The following ETFA variants were observed in gnomAD, a reference collection of about 807,000 sequenced individuals.
The protein encoded by ETFA is electron transfer flavoprotein subunit alpha.
ETFA carries 22 observed loss-of-function variants against 46.2 expected under a neutral mutation model. That is an observed-to-expected ratio of 0.48 (90% CI 0.34 to 0.68). The LOEUF is 0.68. ETFA is among the 30% of genes least tolerant of loss of function. The probability of loss-of-function intolerance (pLI) is 0.01; values close to 1 mark genes in which losing one functional copy is unlikely to be tolerated. For missense variants in ETFA, 345 were observed against 401.1 expected, an observed-to-expected ratio of 0.86 and a Z score of 1.19; for synonymous variants, 131 against 139.9, an observed-to-expected ratio of 0.94 and a Z score of 0.45.
intron 8 of ETFA, among the ~76,000 whole-genome samples, chr15:76,282,693 G>T (rs1020606616): frequency 6.6e-6 from 1 of 152,128 alleles, no homozygotes; most frequent in Non-Finnish European, 1.5e-5. Context: ...GAAAACCACA[G>T]AAAGTTACAG....
At chr15:76,224,729 C>G (rs985790267) in intron 11 of ETFA, among the ~76,000 whole-genome samples, 3 of 152,180 alleles carry the variant, frequency 2.0e-5, no homozygotes, top group Non-Finnish European at 4.4e-5. Context: ...CCCAGCAAAC[C>G]CACTTCTCCT....
intron 9 of ETFA, among the ~76,000 whole-genome samples, chr15:76,256,096 A>G (rs1394759327): frequency 6.6e-6 from 1 of 151,882 alleles, no homozygotes; most frequent in East Asian, 1.9e-4. Flanking sequence ...TATCTCCACT[A>G]AAAATACAAA....
At chr15:76,226,443 G>T (rs1299052397) in intron 10 of ETFA, 1 of 160,872 alleles carries the variant, frequency 6.2e-6, no homozygotes, top group East Asian at 1.8e-4. Context: ...CATTAGCCAG[G>T]CATGGTGGCA....
At chr15:76,237,912 T>TA (rs2039142999) in intron 9 of ETFA, among the ~76,000 whole-genome samples, 1 of 152,176 alleles carries the variant, frequency 6.6e-6, no homozygotes, top group South Asian at 2.1e-4. Context: ...TCTTTGCATT[T>TA]AGTACTGACC....
intron 9 of ETFA, among the ~76,000 whole-genome samples, chr15:76,264,412 A>C (rs1440700493): frequency 6.6e-6 from 1 of 152,158 alleles, no homozygotes; most frequent in Non-Finnish European, 1.5e-5. Flanking sequence ...TCAAGAAGTA[A>C]TGGAGGGTGT....
intron 9 of ETFA, among the ~76,000 whole-genome samples, chr15:76,243,269 T>TC (rs2039209484): frequency 7.8e-6 from 1 of 127,912 alleles, no homozygotes; most frequent in Admixed American, 8.4e-5. Flanking sequence ...AGACTCCATC[T>TC]CAAAAAAAAA....
chr15:76,221,154 AC>A (rs1196702196), intron 11 of ETFA, among the ~76,000 whole-genome samples: 3 of 152,250 alleles, frequency 2.0e-5, no homozygotes, highest in African/African-American at 7.2e-5. Flanking sequence ...AGAAAAAGAA[AC>A]AAAGTACTAA....
intron 9 of ETFA, chr15:76,260,601 T>C: frequency 6.6e-7 from 1 of 1,514,172 alleles, no homozygotes; most frequent in Non-Finnish European, 9.1e-7. Flanking sequence ...CAGCTCATCC[T>C]GGGTTCCATT....
intron 1 of ETFA, among the ~76,000 whole-genome samples, chr15:76,308,180 G>A (rs1200539297): frequency 6.6e-6 from 1 of 152,116 alleles, no homozygotes. Flanking sequence ...AAAAATGTAC[G>A]AAGGTATCAT....
At chr15:76,247,797 C>T (rs538803769) in intron 9 of ETFA, among the ~76,000 whole-genome samples, 1 of 152,278 alleles carries the variant, frequency 6.6e-6, no homozygotes, top group South Asian at 2.1e-4. Flanking sequence ...TGTTAAGTAA[C>T]TGGTGTTTTA....
intron 11 of ETFA, chr15:76,217,594 G>A (rs1003037889): frequency 1.1e-5 from 5 of 455,526 alleles, no homozygotes; most frequent in South Asian, 3.1e-5. Flanking sequence ...ACCCTTAGTC[G>A]TGGCAGTGCA....
chr15:76,301,022 A>G (rs1440205864), intron 1 of ETFA, among the ~76,000 whole-genome samples: 14 of 152,210 alleles, frequency 9.2e-5, no homozygotes, highest in African/African-American at 3.1e-4. Context: ...CACCTCCACC[A>G]TAACGTCTCA....
At chr15:76,261,307 G>A (rs544915440) in intron 9 of ETFA, 271 of 1,514,328 alleles carry the variant, frequency 1.8e-4, no homozygotes, top group African/African-American at 2.6e-4. Flanking sequence ...ACCTACTACC[G>A]TGAGCCACAC....
At chr15:76,247,744 C>T (rs2039257607) in intron 9 of ETFA, among the ~76,000 whole-genome samples, 1 of 152,210 alleles carries the variant, frequency 6.6e-6, no homozygotes, top group South Asian at 2.1e-4. Flanking sequence ...ACAGTTTCCA[C>T]ACTATTCTGT....
intron 1 of ETFA, among the ~76,000 whole-genome samples, chr15:76,309,647 A>G (rs1429621885): frequency 1.3e-5 from 2 of 152,172 alleles, no homozygotes; most frequent in Non-Finnish European, 2.9e-5. Context: ...CTACAAAATT[A>G]CTGAGTCCTA....
intron 9 of ETFA, among the ~76,000 whole-genome samples, chr15:76,254,627 T>C (rs1364039471): frequency 6.6e-6 from 1 of 152,172 alleles, no homozygotes; most frequent in African/African-American, 2.4e-5. Context: ...TAAGATGTTA[T>C]TTACCGTTTT....
chr15:76,225,822 T>C lies in ETFA; in HGVS notation c.963+27A>G, dbSNP rs757173400. On this transcript the variant is annotated intron_variant, in intron 11 of 11. Transcript: ENST00000557943. ...GTTTCTCGGATGACAATCTAGATAA[T>C]AGCAATTTCTCTCAAGGCCAGCTTA... 1.5e-5 allele frequency: 21 copies of C among 1,370,274 alleles called. 1 individual carries two copies. The highest frequency in any genetic ancestry group is 6.7e-5 in the Admixed American group (4 of 59,688). 84.9% of individuals were successfully genotyped at this position (1,370,274 alleles called of 1,614,324 possible).
At chr15:76,225,101 T>G (rs1475730531) in intron 11 of ETFA, among the ~76,000 whole-genome samples, 1 of 152,128 alleles carries the variant, frequency 6.6e-6, no homozygotes, top group Non-Finnish European at 1.5e-5. Context: ...ACAGATAAGC[T>G]GGATATGGGT....
At chr15:76,244,428 G>A (rs1487330079) in intron 9 of ETFA, among the ~76,000 whole-genome samples, 1 of 152,096 alleles carries the variant, frequency 6.6e-6, no homozygotes, top group Non-Finnish European at 1.5e-5. Context: ...TTTCCTTTCA[G>A]ACTAAGTTTG....
Sources: gnomAD v4.1 joint callset for allele counts (sites outside exome capture counted in the v4.1 genomes callset) on GRCh38, gnomAD v4.1.1 for gene constraint, MANE v1.5 for transcripts, NCBI Gene and HGNC (gene_info 2026-07-23, HGNC 2026-07-21) for gene names.